The following ZSCAN5A variants were observed in gnomAD, a reference collection of about 807,000 sequenced individuals.
ZSCAN5A encodes zinc finger and SCAN domain containing 5A.
A neutral mutation model predicts 23.7 loss-of-function variants in ZSCAN5A; 12 were observed. That is an observed-to-expected ratio of 0.51 (90% CI 0.32 to 0.82). The LOEUF (loss-of-function observed/expected upper bound fraction) is 0.82, where lower values mean the gene tolerates loss of function less well. Among genes scored for constraint, ZSCAN5A ranks in the 40% least tolerant of loss-of-function variants. The pLI is 0.03. For missense variants in ZSCAN5A, 597 were observed against 617.9 expected, an observed-to-expected ratio of 0.97 and a Z score of 0.36; for synonymous variants, 257 against 239.9, an observed-to-expected ratio of 1.07 and a Z score of -0.66.
chr19:56,301,974 C>T (rs1009897442), intron 2 of ZSCAN5A: 1 of 1,232,108 alleles, frequency 8.1e-7, no homozygotes, highest in Non-Finnish European at 1.0e-6. Flanking sequence ...CCAGTTAAAC[C>T]CTTCTCAGGC....
intron 1 of ZSCAN5A, chr19:56,314,204 A>G (rs1340106741): frequency 6.6e-6 from 1 of 152,248 alleles, no homozygotes; most frequent in Non-Finnish European, 1.5e-5. Context: ...CTTGGCCACT[A>G]GCACTTATTC....
At chr19:56,321,421 G>T (rs538893985) in intron 2 of ZSCAN5A, 3 of 663,066 alleles carry the variant, frequency 4.5e-6, no homozygotes, top group Admixed American at 4.7e-5. Flanking sequence ...TTTGCACACA[G>T]AGTCTGTGAA....
intron 2 of ZSCAN5A, among the ~76,000 whole-genome samples, chr19:56,257,314 G>A (rs1168100066): frequency 6.6e-6 from 1 of 152,196 alleles, no homozygotes; most frequent in Non-Finnish European, 1.5e-5. Context: ...TCAGGGCTGG[G>A]AGAACAAAGG....
intron 2 of ZSCAN5A, among the ~76,000 whole-genome samples, chr19:56,288,114 G>A (rs1306647496): frequency 6.6e-6 from 1 of 152,112 alleles, no homozygotes; most frequent in Non-Finnish European, 1.5e-5. Context: ...GGCCCAAATG[G>A]GTCCATGGTG....
At chr19:56,245,123 C>CATA (rs1568638697) in intron 2 of ZSCAN5A, 2 of 374,382 alleles carry the variant, frequency 5.3e-6, no homozygotes, top group Non-Finnish European at 9.8e-6. Context: ...CAGATTTGAA[C>CATA]ATTACAGTAA....
chr19:56,226,998 A>G (rs184073494), intron 2 of ZSCAN5A, among the ~76,000 whole-genome samples: 16 of 152,376 alleles, frequency 1.1e-4, no homozygotes, highest in African/African-American at 3.1e-4. Context: ...TCATAGTAGT[A>G]GTGAGTAGAA....
Position 56,228,342 on chromosome 19 carries a change from G to A in ZSCAN5A, c.-127-3169C>T, listed in dbSNP as rs550372869. The A allele has an allele frequency of 7.1e-5, 70 of 985,190 alleles. No homozygotes were observed. In the African/African-American group the frequency reaches 1.1e-3, roughly 16 times the overall value. 61.0% of individuals were successfully genotyped at this position (985,190 alleles called of 1,614,324 possible). A position where few individuals can be genotyped will look rare whatever the true frequency, so the allele number is the denominator to read the frequency against. The stretch of plus-strand genomic sequence containing the variant: ...GAACTGCGTCTATTTATGGAGAAGC[G>A]GGACTCCAGGCCGCGTTTCCGGTTC... On this transcript the variant is annotated intron_variant, in intron 2 of 5. Transcript: ENST00000683990.
At chr19:56,237,414 T>C (rs1234603537) in intron 2 of ZSCAN5A, among the ~76,000 whole-genome samples, 1 of 152,140 alleles carries the variant, frequency 6.6e-6, no homozygotes, top group Non-Finnish European at 1.5e-5. Flanking sequence ...TATTATAAAA[T>C]AGGTTTTCTG....
intron 2 of ZSCAN5A, among the ~76,000 whole-genome samples, chr19:56,307,438 A>T (rs1273050137): frequency 1.3e-5 from 2 of 152,214 alleles, no homozygotes; most frequent in African/African-American, 2.4e-5. Context: ...CCCAATATAT[A>T]AAAAATTCTA....
Position 56,298,056 on chromosome 19 carries a change from T to A in ZSCAN5A, c.-128+15227A>T, listed in dbSNP as rs1434849076. 4.2e-5 allele frequency: 6 copies of A among 141,982 alleles called. No homozygotes were observed. The East Asian group carries it at 1.2e-3, about 29-fold the overall frequency. 8.8% of individuals were successfully genotyped at this position (141,982 alleles called of 1,614,324 possible). On this transcript the variant is annotated intron_variant, in intron 2 of 5. Coordinates refer to ENST00000683990, the MANE Select transcript of ZSCAN5A (RefSeq NM_001322064.3). ...TGCCACCGCATCCGGCCTGGGTAACTGAGCAAGTCTCAAAAAAAAAAAAAA... is the reference window on the plus strand; with the variant it reads ...TGCCACCGCATCCGGCCTGGGTAACAGAGCAAGTCTCAAAAAAAAAAAAAA...
intron 2 of ZSCAN5A, among the ~76,000 whole-genome samples, chr19:56,248,380 C>T (rs7247990): frequency 0.1 from 15,647 of 152,052 alleles, 2,518 homozygotes; most frequent in African/African-American, 0.34. Flanking sequence ...GCCGTCTTGG[C>T]CGCCGGAGTA....
intron 1 of ZSCAN5A, among the ~76,000 whole-genome samples, chr19:56,364,043 A>G (rs1019476985): frequency 6.6e-6 from 1 of 152,238 alleles, no homozygotes; most frequent in Non-Finnish European, 1.5e-5. Context: ...AATGGCAGAA[A>G]GGTCTCAAAG....
chr19:56,223,476 T>C (rs2033521468), intron 4 of ZSCAN5A, among the ~76,000 whole-genome samples, 155 bp downstream of exon 4: 1 of 152,218 alleles, frequency 6.6e-6, no homozygotes, highest in Admixed American at 6.5e-5. Context: ...CTCTCTGTGA[T>C]GGCTCAGGAA....
intron 2 of ZSCAN5A, among the ~76,000 whole-genome samples, chr19:56,295,549 C>T (rs1002762135): frequency 6.6e-6 from 1 of 151,984 alleles, no homozygotes; most frequent in Admixed American, 6.6e-5. Flanking sequence ...GAGCCGAGAT[C>T]GTCCCACTGC....
At chr19:56,316,605 C>T (rs1022266078), upstream of ZSCAN5A, 3 of 155,768 alleles carry the variant, frequency 1.9e-5, no homozygotes, top group Non-Finnish European at 2.8e-5. Flanking sequence ...GTGGACAATA[C>T]ATTGGTAGAA....
At chr19:56,297,177 AAG>A (rs2039930454) in intron 2 of ZSCAN5A, among the ~76,000 whole-genome samples, 1 of 152,204 alleles carries the variant, frequency 6.6e-6, no homozygotes, top group East Asian at 1.9e-4. Flanking sequence ...GCATTCCAGG[AAG>A]AGAGAACAGT....
At chr19:56,240,214 T>C (rs1329345459) in intron 2 of ZSCAN5A, among the ~76,000 whole-genome samples, 5 of 150,208 alleles carry the variant, frequency 3.3e-5, no homozygotes, top group African/African-American at 5.0e-5. Context: ...AAAAAAAAAC[T>C]TGTGGATCTA....
chr19:56,288,657 T>C (rs1227195427), intron 2 of ZSCAN5A, among the ~76,000 whole-genome samples: 8 of 152,128 alleles, frequency 5.3e-5, no homozygotes, highest in Non-Finnish European at 1.2e-4. Context: ...TCATAAACAT[T>C]TGTTAGAAGG....
chr19:56,268,693 G>A lies in ZSCAN5A; in HGVS notation c.-127-43520C>T, dbSNP rs536755159. On this transcript the variant is annotated intron_variant, in intron 2 of 5. Coordinates refer to ENST00000683990, the MANE Select transcript of ZSCAN5A (RefSeq NM_001322064.3). ...AGTGTACAATTCAGTGGCCTTTAGTGCATTCTCGATGTTGTTCAACCGTCA... is the reference window on the plus strand; with the variant it reads ...AGTGTACAATTCAGTGGCCTTTAGTACATTCTCGATGTTGTTCAACCGTCA... Among the ~76,000 whole-genome samples the A allele has an allele frequency of 3.8e-4, 58 of 152,172 alleles. 1 individual carries two copies. The highest frequency in any genetic ancestry group is 1.3e-3 in the African/African-American group (54 of 41,504).
Sources: allele counts gnomAD v4.1 joint callset (sites outside exome capture counted in the v4.1 genomes callset), GRCh38; gene constraint gnomAD v4.1.1; transcripts MANE v1.5; gene names NCBI Gene and HGNC (gene_info 2026-07-23, HGNC 2026-07-21).